The following TMEM177 variants were observed in gnomAD, a reference collection of about 807,000 sequenced individuals.
The protein encoded by TMEM177 is transmembrane protein 177.
In TMEM177, 4 loss-of-function variants were observed where a neutral mutation model predicts 14.2. The ratio of observed to expected loss-of-function variants is 0.28; its 90% CI spans 0.14 to 0.64. The LOEUF (loss-of-function observed/expected upper bound fraction) is 0.64, where lower values mean the gene tolerates loss of function less well. TMEM177 is among the 30% of genes least tolerant of loss of function. TMEM177 has a pLI of 0.82. For missense variants in TMEM177, 344 were observed against 405.2 expected (o/e 0.85, Z 1.30); for synonymous variants, 179 against 174.5 (o/e 1.03, Z -0.20).
Position 119,680,841 on chromosome 2 carries a change from A to G in TMEM177, c.-13A>G, listed in dbSNP as rs2104845725. ...CTTTTTCTTGGCCCAGATTGTCCGC[A>G]GTGACTACACTCATGGCAGGTCCCC... On this transcript the variant is annotated 5_prime_UTR_variant, in exon 2 of 2. Coordinates refer to ENST00000272521, the MANE Select transcript of TMEM177 (RefSeq NM_030577.3). 2.5e-6 allele frequency: 4 copies of G among 1,605,342 alleles called. No individual in the cohort carries two copies. The highest frequency in any genetic ancestry group is 2.7e-5 in the African/African-American group (2 of 74,836).
the TMEM177 span, chr2:119,699,868 G>A: frequency 7.0e-6 from 3 of 426,948 alleles, no homozygotes; most frequent in Non-Finnish European, 1.4e-5. Context: ...AAAGAGTGCT[G>A]AGTTTTTGTT....
chr2:119,694,112 CCACATGCACCACATGCCACGCACATTG>C, the TMEM177 span, among the ~76,000 whole-genome samples: 1 of 26,368 alleles, frequency 3.8e-5, no homozygotes, highest in Admixed American at 3.7e-4. Flanking sequence ...CAAACACATA[CCACATGCACCACATGCCACGCACATTG>C]CACGTACCAC....
downstream of TMEM177, among the ~76,000 whole-genome samples, chr2:119,684,561 A>G (rs1688979844): frequency 6.6e-6 from 1 of 152,186 alleles, no homozygotes; most frequent in Non-Finnish European, 1.5e-5. Context: ...TTCAGTAACT[A>G]GAAACAATAT....
intron 1 of TMEM177, among the ~76,000 whole-genome samples, chr2:119,680,630 G>A (rs760889120): frequency 3.3e-5 from 5 of 152,116 alleles, no homozygotes; most frequent in Admixed American, 1.3e-4. Flanking sequence ...GGGCCATTAC[G>A]ACACACCTGT....
the TMEM177 span, among the ~76,000 whole-genome samples, chr2:119,720,350 C>A: frequency 5.3e-5 from 8 of 152,022 alleles, no homozygotes; most frequent in South Asian, 2.1e-4. Flanking sequence ...TCTCGGCTCA[C>A]CGCAACCTCT....
chr2:119,694,059 G>A, the TMEM177 span, among the ~76,000 whole-genome samples: 4 of 6,092 alleles, frequency 6.6e-4, no homozygotes, highest in South Asian at 8.9e-3. Context: ...TCACGCACAT[G>A]CAACATACAC....
the TMEM177 span, among the ~76,000 whole-genome samples, chr2:119,718,479 T>G: frequency 6.6e-6 from 1 of 152,214 alleles, no homozygotes; most frequent in African/African-American, 2.4e-5. Context: ...TGGCATTCAC[T>G]CTTTCTCAAT....
chr2:119,718,965 T>C, the TMEM177 span, among the ~76,000 whole-genome samples: 235 of 152,328 alleles, frequency 1.5e-3, 1 homozygote, highest in African/African-American at 5.3e-3. Context: ...GTTGTTAAAG[T>C]GCAGCTTCTG....
the TMEM177 span, among the ~76,000 whole-genome samples, chr2:119,694,319 ACCACT>A: frequency 1.3e-5 from 2 of 150,274 alleles, no homozygotes; most frequent in Non-Finnish European, 3.0e-5. Flanking sequence ...CTCCACACAC[ACCACT>A]CACCTCACCT....
At chr2:119,683,972 C>T (rs1688965465), downstream of TMEM177, among the ~76,000 whole-genome samples, 1 of 148,726 alleles carries the variant, frequency 6.7e-6, no homozygotes, top group Non-Finnish European at 1.5e-5. Flanking sequence ...CTCCCAGTAG[C>T]TCTCGGCTCC....
chr2:119,714,790 G>A, the TMEM177 span, among the ~76,000 whole-genome samples: 3 of 152,234 alleles, frequency 2.0e-5, no homozygotes, highest in Non-Finnish European at 4.4e-5. Flanking sequence ...GGGCAGCCTG[G>A]GCTACTGATC....
chr2:119,680,705 T>C (rs904439444), intron 1 of TMEM177, 127 bp from the exon 2 acceptor site: 30 of 709,558 alleles, frequency 4.2e-5, no homozygotes, highest in Non-Finnish European at 6.2e-5. Context: ...ACTCTGGCTC[T>C]AGAGCCCACA....
the TMEM177 span, among the ~76,000 whole-genome samples, chr2:119,720,287 T>C: frequency 6.6e-6 from 1 of 152,130 alleles, no homozygotes; most frequent in Non-Finnish European, 1.5e-5. Flanking sequence ...ACTTTTTTTT[T>C]TTTTGAGACG....
the TMEM177 span, chr2:119,699,106 C>A: frequency 5.8e-6 from 1 of 173,242 alleles, no homozygotes; most frequent in East Asian, 1.5e-4. Flanking sequence ...CAGTGTGTAC[C>A]TGTATTAGTT....
At chr2:119,694,228 A>G in the TMEM177 span, among the ~76,000 whole-genome samples, 3 of 151,368 alleles carry the variant, frequency 2.0e-5, no homozygotes, top group African/African-American at 7.3e-5. Context: ...CACATACCAC[A>G]TACATATCAC....
At chr2:119,696,919 C>T in the TMEM177 span, among the ~76,000 whole-genome samples, 2 of 152,136 alleles carry the variant, frequency 1.3e-5, no homozygotes, top group Non-Finnish European at 2.9e-5. Context: ...GTTTTCCCCA[C>T]CTGTGTCTGG....
At chr2:119,684,579 T>C (rs1397967894), downstream of TMEM177, among the ~76,000 whole-genome samples, 2 of 152,212 alleles carry the variant, frequency 1.3e-5, no homozygotes, top group Non-Finnish European at 2.9e-5. Context: ...TATTTTTTCA[T>C]AAATGAACAG....
the TMEM177 span, among the ~76,000 whole-genome samples, chr2:119,713,014 A>G: frequency 2.0e-5 from 3 of 152,230 alleles, no homozygotes; most frequent in African/African-American, 7.2e-5. Flanking sequence ...GTACATACAC[A>G]CATAAAGCAT....
chr2:119,690,448 G>T (rs1391214580), downstream of TMEM177, among the ~76,000 whole-genome samples: 1 of 152,116 alleles, frequency 6.6e-6, no homozygotes, highest in Non-Finnish European at 1.5e-5. Context: ...ATGCGAGAAT[G>T]AACTAATACA....
Sources: gnomAD v4.1 joint callset for allele counts (sites outside exome capture counted in the v4.1 genomes callset) on GRCh38, gnomAD v4.1.1 for gene constraint, MANE v1.5 for transcripts, NCBI Gene and HGNC (gene_info 2026-07-23, HGNC 2026-07-21) for gene names.